The following PRKCA variants were observed in gnomAD, a reference collection of about 807,000 sequenced individuals.
PRKCA encodes the protein protein kinase C alpha type.
Under a neutral mutation model 87.0 loss-of-function variants are expected in PRKCA, and 27 were observed. The ratio of observed to expected loss-of-function variants is 0.31; its 90% confidence interval spans 0.23 to 0.43. The LOEUF is 0.43. Among genes scored for constraint, PRKCA ranks in the 20% least tolerant of loss-of-function variants. PRKCA has a pLI of 1.00. For synonymous variants in PRKCA, 329 were observed against 311.1 expected, an observed-to-expected ratio of 1.06 and a Z score of -0.61; for missense variants, 518 against 852.3, an observed-to-expected ratio of 0.61 and a Z score of 4.88.
At chr17:66,361,887 A>G (rs951945434) in intron 2 of PRKCA, among the ~76,000 whole-genome samples, 7 of 152,168 alleles carry the variant, frequency 4.6e-5, no homozygotes, top group African/African-American at 1.2e-4. Flanking sequence ...ACAAAGCCCC[A>G]TGGAATCTGG....
chr17:66,633,923 A>G (rs1971086695), intron 3 of PRKCA, among the ~76,000 whole-genome samples: 1 of 152,222 alleles, frequency 6.6e-6, no homozygotes, highest in African/African-American at 2.4e-5. Flanking sequence ...AGACTTACCT[A>G]GAATATGACT....
chr17:66,382,150 C>T (rs1435426404), intron 2 of PRKCA, among the ~76,000 whole-genome samples: 1 of 152,070 alleles, frequency 6.6e-6, no homozygotes, highest in Non-Finnish European at 1.5e-5. Context: ...GGTGTCCTGC[C>T]AAACCTTGGC....
At chr17:66,570,140 A>G (rs963977527) in intron 3 of PRKCA, among the ~76,000 whole-genome samples, 1 of 152,204 alleles carries the variant, frequency 6.6e-6, no homozygotes, top group African/African-American at 2.4e-5. Flanking sequence ...CAGGCACAGA[A>G]TTGTTTTCTG....
intron 13 of PRKCA, among the ~76,000 whole-genome samples, chr17:66,750,069 A>T (rs1290202224): frequency 6.6e-6 from 1 of 152,082 alleles, no homozygotes; most frequent in African/African-American, 2.4e-5. Flanking sequence ...AAAATAACTC[A>T]TGTGGTATAT....
chr17:66,563,255 G>A (rs923640141), intron 3 of PRKCA, among the ~76,000 whole-genome samples: 1 of 152,154 alleles, frequency 6.6e-6, no homozygotes, highest in African/African-American at 2.4e-5. Flanking sequence ...TTGGACAAAT[G>A]TGTCATGGCC....
intron 2 of PRKCA, among the ~76,000 whole-genome samples, chr17:66,463,899 G>A (rs1340579887): frequency 6.6e-6 from 1 of 152,142 alleles, no homozygotes. Flanking sequence ...AAAGTCCACA[G>A]TTTATGGAAG....
intron 3 of PRKCA, among the ~76,000 whole-genome samples, chr17:66,507,110 G>A (rs369257321): frequency 2.3e-4 from 35 of 152,336 alleles, no homozygotes; most frequent in African/African-American, 7.9e-4. Context: ...TATTGTGTGT[G>A]AGGTATTATG....
intron 3 of PRKCA, among the ~76,000 whole-genome samples, chr17:66,520,031 T>TTTTGTTTG: frequency 6.6e-6 from 1 of 152,240 alleles, no homozygotes; most frequent in Middle Eastern, 3.4e-3. Context: ...AACTGGTTTG[T>TTTTGTTTG]TTTGTTTGTT....
At chr17:66,510,467 G>T (rs377729403) in intron 3 of PRKCA, among the ~76,000 whole-genome samples, 1 of 152,176 alleles carries the variant, frequency 6.6e-6, no homozygotes, top group African/African-American at 2.4e-5. Context: ...TGTCACCTGC[G>T]TATTTTAGGG....
chr17:66,524,564 G>A (rs9896483), intron 3 of PRKCA, among the ~76,000 whole-genome samples: 98,366 of 152,050 alleles, frequency 0.65, 32,826 homozygotes, highest in African/African-American at 0.81. Flanking sequence ...CTACTGCAGA[G>A]CTCTTCTGTA....
rs149604310 is a variant in PRKCA at position 66,607,352 on chromosome 17, A to G, written c.289-34003A>G. Among the ~76,000 whole-genome samples the G allele has an allele frequency of 6.0e-3, 918 of 152,316 alleles. 4 individuals are homozygous for G. The highest frequency in any genetic ancestry group is 0.01 in the Middle Eastern group (3 of 294). ...CGGACATACAGTGAGTTAAGTGGAG[A>G]ATTGTTGCAAGCAAGCCATGAACTG... is the stretch of plus-strand genomic sequence containing the variant. On this transcript the variant is annotated intron_variant, in intron 3 of 16. Transcript: ENST00000413366.
intron 2 of PRKCA, among the ~76,000 whole-genome samples, chr17:66,430,720 C>T (rs1476728086): frequency 1.3e-5 from 2 of 152,136 alleles, no homozygotes; most frequent in African/African-American, 4.8e-5. Context: ...TCTACCATTC[C>T]TCCTTTGCCT....
chr17:66,527,822 G>T (rs957624281), intron 3 of PRKCA, among the ~76,000 whole-genome samples: 6 of 152,148 alleles, frequency 3.9e-5, no homozygotes, highest in Non-Finnish European at 7.3e-5. Flanking sequence ...TTTTAACTGG[G>T]TGGGACTTGA....
At chr17:66,561,231 A>G (rs1968670040) in intron 3 of PRKCA, among the ~76,000 whole-genome samples, 1 of 152,242 alleles carries the variant, frequency 6.6e-6, no homozygotes, top group Admixed American at 6.5e-5. Flanking sequence ...AGTCAAAATT[A>G]ATGAAAGATC....
At position 66,496,275 on chromosome 17, in the gene PRKCA, G is replaced by A. The variant is rs758445868; in HGVS notation, c.280G>A (p.Asp94Asn). The change falls in exon 3 of 17, where the codon GAC becomes AAC. Residue 94 changes from aspartate (D) to asparagine (N), a missense_variant. Physicochemically the swap from Asp to Asn is conservative, Grantham distance 23. This residue lies in a region of PRKCA where 300 missense variants were observed against 496.8 expected (regional missense o/e 0.60). Transcript: ENST00000413366. ...TTGTCCGGGTGCGGATAAGGGACCCGACACTGATGTAAGTAGTCCTGAAAT... is the reference window on the plus strand; with the variant it reads ...TTGTCCGGGTGCGGATAAGGGACCCAACACTGATGTAAGTAGTCCTGAAAT... ...FSCPGADKGPDTDDPRSKHKF... is the reference protein window; with the variant it reads ...FSCPGADKGPNTDDPRSKHKF... 31 of 1,612,620 alleles carry A rather than the reference G, an allele frequency of 1.9e-5. No individual in the cohort carries two copies. The highest frequency in any genetic ancestry group is 6.7e-5 in the Admixed American group (4 of 60,002).
At chr17:66,490,599 G>A (rs978888565) in intron 2 of PRKCA, among the ~76,000 whole-genome samples, 7 of 151,014 alleles carry the variant, frequency 4.6e-5, no homozygotes, top group Admixed American at 2.0e-4. Flanking sequence ...TTTTTGAGAC[G>A]GAGTCTTGCT....
At chr17:66,785,262 G>A (rs2144372090) in intron 14 of PRKCA, among the ~76,000 whole-genome samples, 1 of 152,216 alleles carries the variant, frequency 6.6e-6, no homozygotes, top group East Asian at 1.9e-4. Flanking sequence ...TGGTTGAGGG[G>A]AGGGACCTAC....
At chr17:66,593,052 A>T (rs1969860278) in intron 3 of PRKCA, among the ~76,000 whole-genome samples, 1 of 152,224 alleles carries the variant, frequency 6.6e-6, no homozygotes, top group Non-Finnish European at 1.5e-5. Context: ...AGCCTACCAA[A>T]GTGCTGGGAT....
At chr17:66,760,823 T>A (rs111875782) in intron 13 of PRKCA, among the ~76,000 whole-genome samples, 1 of 152,154 alleles carries the variant, frequency 6.6e-6, no homozygotes, top group Non-Finnish European at 1.5e-5. Context: ...GAATCCAACA[T>A]GTATAGTAGG....
Sources: gnomAD v4.1 joint callset for allele counts (sites outside exome capture counted in the v4.1 genomes callset) on GRCh38, gnomAD v4.1.1 for gene constraint, gnomAD v4.1.1 regional missense constraint, MANE v1.5 for transcripts, NCBI Gene and HGNC (gene_info 2026-07-23, HGNC 2026-07-21) for gene names.